CFDP1: variants seen among roughly 807,000 people sequenced by gnomAD.
The protein encoded by CFDP1 is chromatin remodeling protein CFDP1.
In CFDP1, 31 loss-of-function variants were observed where a neutral mutation model predicts 40.1. The ratio of observed to expected loss-of-function variants is 0.77; its 90% CI spans 0.58 to 1.04. The LOEUF is 1.04. CFDP1 is among the 50% of genes least tolerant of loss of function. The pLI, the probability that CFDP1 is intolerant of heterozygous loss-of-function variation, is 0.00. For synonymous variants in CFDP1, 167 were observed against 120.0 expected, an observed-to-expected ratio of 1.39 and a Z score of -2.56; for missense variants, 423 against 343.4, an observed-to-expected ratio of 1.23 and a Z score of -1.83.
chr16:75,391,586 T>A (rs1374504901), intron 5 of CFDP1: 1 of 152,222 alleles, frequency 6.6e-6, no homozygotes, highest in Non-Finnish European at 1.5e-5. Flanking sequence ...AATTTTAATC[T>A]CACCTTTTTA....
At chr16:75,412,069 G>T in intron 3 of CFDP1, 117 bp from the exon 4 acceptor site, 2 of 1,083,822 alleles carry the variant, frequency 1.8e-6, no homozygotes, top group Non-Finnish European at 2.5e-6. Flanking sequence ...AAGCTGGAGT[G>T]CAGTAACACA....
At chr16:75,337,538 T>A (rs2078498131) in intron 5 of CFDP1, among the ~76,000 whole-genome samples, 1 of 152,180 alleles carries the variant, frequency 6.6e-6, no homozygotes. Flanking sequence ...AGAGACTGGA[T>A]AATTTATACA....
intron 5 of CFDP1, among the ~76,000 whole-genome samples, chr16:75,371,537 T>C (rs1170996577): frequency 6.6e-6 from 1 of 152,234 alleles, no homozygotes; most frequent in African/African-American, 2.4e-5. Context: ...TGGTTAAGCT[T>C]CCTTTGTAGT....
chr16:75,342,908 A>G (rs1216784029), intron 5 of CFDP1, among the ~76,000 whole-genome samples: 1 of 152,162 alleles, frequency 6.6e-6, no homozygotes, highest in Non-Finnish European at 1.5e-5. Flanking sequence ...CACAGGACAA[A>G]GAACTATCCA....
Position 75,395,118 on chromosome 16 carries a change from C to A in CFDP1, c.622G>T (p.Ala208Ser). Residue 208 changes from alanine to serine, a missense_variant, in exon 5 of 7, where the codon GCT becomes TCT. Ala to Ser is a moderately conservative substitution (Grantham distance 99). Coordinates refer to ENST00000283882, the MANE Select transcript of CFDP1 (RefSeq NM_006324.3). ...KEKPQANVPS[A>S]LPSLPAGSGL... ...GACCCGGCAGGGAGTGATGGCAGAG[C>A]TGAAGGAACATTAGCCTGTGGTTTT... The A allele has an allele frequency of 8.1e-6, 13 of 1,613,898 alleles. No homozygotes were observed. The highest frequency in any genetic ancestry group is 1.1e-5 in the Non-Finnish European group (13 of 1,179,910).
intron 5 of CFDP1, among the ~76,000 whole-genome samples, chr16:75,323,811 A>G (rs1275891160): frequency 6.6e-6 from 1 of 152,114 alleles, no homozygotes; most frequent in Non-Finnish European, 1.5e-5. Flanking sequence ...CTATACATAC[A>G]TAAAACAGTA....
intron 4 of CFDP1, among the ~76,000 whole-genome samples, chr16:75,411,557 AT>A (rs1287199952): frequency 6.6e-6 from 1 of 152,258 alleles, no homozygotes; most frequent in Non-Finnish European, 1.5e-5. Flanking sequence ...AAACATGGCA[AT>A]GATCAAGTGG....
intron 5 of CFDP1, among the ~76,000 whole-genome samples, chr16:75,385,492 A>G (rs1333668805): frequency 6.6e-6 from 1 of 152,164 alleles, no homozygotes; most frequent in Non-Finnish European, 1.5e-5. Context: ...AAGGAAAAAA[A>G]TGAAAGAAGA....
chr16:75,370,155 T>G (rs1203642228), intron 5 of CFDP1, among the ~76,000 whole-genome samples: 1 of 151,192 alleles, frequency 6.6e-6, no homozygotes, highest in South Asian at 2.1e-4. Flanking sequence ...TGCAATGGTG[T>G]AATCTTGGCT....
chr16:75,296,123 C>A (rs974647043), intron 6 of CFDP1, among the ~76,000 whole-genome samples: 35 of 152,180 alleles, frequency 2.3e-4, no homozygotes, highest in African/African-American at 8.4e-4. Flanking sequence ...TGTTGTTCAC[C>A]TGGGGGTGTA....
At chr16:75,326,153 A>G (rs1405860512) in intron 5 of CFDP1, among the ~76,000 whole-genome samples, 2 of 152,214 alleles carry the variant, frequency 1.3e-5, no homozygotes, top group Admixed American at 6.5e-5. Flanking sequence ...ATGAAGCTCT[A>G]TAACAACCAA....
chr16:75,418,201 TGA>T (rs149845221), intron 1 of CFDP1, among the ~76,000 whole-genome samples: 20,588 of 132,208 alleles, frequency 0.16, 1,632 homozygotes, highest in East Asian at 0.4. Flanking sequence ...TGCGATGAGC[TGA>T]GATACACCAC....
intron 5 of CFDP1, among the ~76,000 whole-genome samples, chr16:75,393,595 G>A (rs1352854292): frequency 6.6e-6 from 1 of 150,548 alleles, no homozygotes; most frequent in Admixed American, 6.6e-5. Context: ...GCCGGGCGCG[G>A]TGGCGGGCGC....
chr16:75,329,043 T>G (rs983236660), intron 5 of CFDP1, among the ~76,000 whole-genome samples: 9 of 152,030 alleles, frequency 5.9e-5, no homozygotes, highest in South Asian at 2.1e-4. Context: ...GAGACGGGGT[T>G]TCTCCATGTT....
chr16:75,391,652 G>A (rs1252513441), intron 5 of CFDP1: 2 of 152,138 alleles, frequency 1.3e-5, no homozygotes, highest in East Asian at 3.8e-4. Context: ...TCCTTATGAT[G>A]GGCGGCAGTC....
At chr16:75,383,789 A>G (rs915282071) in intron 5 of CFDP1, among the ~76,000 whole-genome samples, 2 of 146,014 alleles carry the variant, frequency 1.4e-5, no homozygotes, top group Admixed American at 1.4e-4. Flanking sequence ...ACTGCACTCT[A>G]GCCTGGCAAA....
Position 75,414,713 on chromosome 16 carries a change from G to C in CFDP1, c.65-18C>G, listed in dbSNP as rs1207541422. On this transcript the variant is annotated intron_variant, in intron 1 of 6. Transcript: ENST00000283882. ...CTCTCCACCTGAAATCACATAACAG[G>C]GTGATCAGACAGGAATAAAGGTTTT... 3.3e-6 allele frequency: 5 copies of C among 1,493,400 alleles called. No individual in the cohort carries two copies. The highest frequency in any genetic ancestry group is 4.7e-6 in the Non-Finnish European group (5 of 1,071,978). The allele number at this position is 1,493,400 out of a possible 1,614,324, so 92.5% of individuals were successfully genotyped here.
intron 5 of CFDP1, among the ~76,000 whole-genome samples, chr16:75,360,723 A>G (rs1276981794): frequency 6.6e-6 from 1 of 152,214 alleles, no homozygotes; most frequent in Non-Finnish European, 1.5e-5. Context: ...AATTGTATTT[A>G]TATTTTATCT....
intron 4 of CFDP1, among the ~76,000 whole-genome samples, chr16:75,399,856 T>C (rs919279293): frequency 2.0e-5 from 3 of 151,742 alleles, no homozygotes; most frequent in African/African-American, 4.8e-5. Flanking sequence ...AACCCCAGCA[T>C]TTTGGGAGGC....
Sources: allele counts gnomAD v4.1 joint callset (sites outside exome capture counted in the v4.1 genomes callset), GRCh38; gene constraint gnomAD v4.1.1; transcripts MANE v1.5; gene names NCBI Gene and HGNC (gene_info 2026-07-23, HGNC 2026-07-21).